AXDND1: variants seen among roughly 807,000 people sequenced by gnomAD.
AXDND1 encodes the protein axonemal dynein light chain domain-containing protein 1.
In AXDND1, 110 loss-of-function variants were observed where a neutral mutation model predicts 137.5. The observed-to-expected ratio is 0.80, with a 90% confidence interval of 0.69 to 0.94. The LOEUF (loss-of-function observed/expected upper bound fraction) is 0.94. Ranked by LOEUF, AXDND1 falls within the 40% of genes least tolerant of loss-of-function variation. AXDND1 has a pLI of 0.00. For synonymous variants in AXDND1, 414 were observed against 399.7 expected, an observed-to-expected ratio of 1.04 and a Z score of -0.43; for missense variants, 1,191 against 1,169.8, an observed-to-expected ratio of 1.02 and a Z score of -0.26.
intron 9 of AXDND1, among the ~76,000 whole-genome samples, chr1:179,386,050 CTTTT>C (rs71111980): frequency 2.0e-5 from 2 of 102,426 alleles, no homozygotes; most frequent in Non-Finnish European, 3.8e-5. Flanking sequence ...GGATTTTTTC[CTTTT>C]TTTTTTTTTT....
At chr1:179,411,367 G>T in intron 12 of AXDND1, 101 bp downstream of exon 12, 5 of 1,467,618 alleles carry the variant, frequency 3.4e-6, no homozygotes, top group Non-Finnish European at 3.7e-6. Context: ...TTTTGAAAGA[G>T]TCTTACTCAC....
intron 18 of AXDND1, among the ~76,000 whole-genome samples, chr1:179,490,590 G>T (rs12568706): frequency 0.46 from 69,052 of 151,630 alleles, 16,550 homozygotes; most frequent in East Asian, 0.76. Flanking sequence ...ATTTGGAAAA[G>T]TACTACACAT....
intron 25 of AXDND1, among the ~76,000 whole-genome samples, chr1:179,541,257 A>G (rs1191883327): frequency 1.3e-5 from 2 of 152,180 alleles, no homozygotes; most frequent in Non-Finnish European, 2.9e-5. Context: ...TGGCTAGGAA[A>G]GGGAAATACC....
intron 17 of AXDND1, among the ~76,000 whole-genome samples, chr1:179,472,392 A>G (rs1175493035): frequency 3.3e-5 from 5 of 152,194 alleles, no homozygotes; most frequent in African/African-American, 7.2e-5. Flanking sequence ...CATTAAAATT[A>G]TAGAGGTTTG....
intron 15 of AXDND1, among the ~76,000 whole-genome samples, chr1:179,436,075 C>T (rs576561950): frequency 6.6e-6 from 1 of 151,418 alleles, no homozygotes; most frequent in South Asian, 2.1e-4. Flanking sequence ...ATGTGGCCAA[C>T]AAACATGAAG....
intron 17 of AXDND1, among the ~76,000 whole-genome samples, chr1:179,477,403 T>G (rs1309817757): frequency 1.3e-5 from 2 of 152,090 alleles, no homozygotes; most frequent in African/African-American, 2.4e-5. Context: ...TCCACGTGGC[T>G]GGGGAGGCCT....
intron 14 of AXDND1, among the ~76,000 whole-genome samples, chr1:179,430,925 A>G (rs1446717528): frequency 1.3e-5 from 2 of 152,218 alleles, no homozygotes; most frequent in Non-Finnish European, 1.5e-5. Flanking sequence ...ATTTGGATCC[A>G]TCTGCAAATC....
chr1:179,550,780 T>G, intron 25 of AXDND1: 1 of 292,384 alleles, frequency 3.4e-6, no homozygotes, highest in Non-Finnish European at 6.6e-6. Flanking sequence ...ACAAGCCCAA[T>G]GATAGGTGCT....
At chr1:179,415,857 A>G (rs1212536472) in intron 12 of AXDND1, among the ~76,000 whole-genome samples, 1 of 152,122 alleles carries the variant, frequency 6.6e-6, no homozygotes, top group Non-Finnish European at 1.5e-5. Flanking sequence ...TTATAATTTA[A>G]TGCATTCATG....
chr1:179,384,543 T>C (rs1244638682), intron 8 of AXDND1, among the ~76,000 whole-genome samples: 1 of 152,216 alleles, frequency 6.6e-6, no homozygotes, highest in Non-Finnish European at 1.5e-5. Context: ...TTAGTTGTCA[T>C]GTTTCTTTAG....
At chr1:179,475,794 CA>C (rs1227445089) in intron 17 of AXDND1, among the ~76,000 whole-genome samples, 1 of 152,048 alleles carries the variant, frequency 6.6e-6, no homozygotes, top group African/African-American at 2.4e-5. Flanking sequence ...TGGAAAGGGC[CA>C]GGGGCAGAAT....
chr1:179,445,569 T>G (rs1185153567), intron 16 of AXDND1, among the ~76,000 whole-genome samples: 1 of 152,174 alleles, frequency 6.6e-6, no homozygotes, highest in Non-Finnish European at 1.5e-5. Flanking sequence ...TCTCTATAGA[T>G]TTCCCTGTTC....
chr1:179,494,961 G>T (rs962012117), intron 20 of AXDND1, among the ~76,000 whole-genome samples: 1 of 152,082 alleles, frequency 6.6e-6, no homozygotes, highest in Non-Finnish European at 1.5e-5. Flanking sequence ...TGCTGAAAAG[G>T]CTGTACTTTC....
chr1:179,551,791 G>A (rs1043654210), intron 25 of AXDND1: 6 of 303,720 alleles, frequency 2.0e-5, no homozygotes, highest in Non-Finnish European at 3.1e-5. Context: ...GTTATGAAAG[G>A]GTGACCCCCA....
At chr1:179,425,753 G>A (rs1462591314) in intron 12 of AXDND1, among the ~76,000 whole-genome samples, 2 of 151,652 alleles carry the variant, frequency 1.3e-5, no homozygotes, top group Non-Finnish European at 2.9e-5. Context: ...TCACACCACT[G>A]CACTCCAGTG....
chr1:179,446,754 T>G (rs1421039882), intron 16 of AXDND1, among the ~76,000 whole-genome samples: 1 of 152,194 alleles, frequency 6.6e-6, no homozygotes, highest in Non-Finnish European at 1.5e-5. Flanking sequence ...ACAAGTCCCT[T>G]TTCAGATATG....
At chr1:179,407,957 C>T (rs1653241745) in intron 11 of AXDND1, among the ~76,000 whole-genome samples, 1 of 152,142 alleles carries the variant, frequency 6.6e-6, no homozygotes, top group Admixed American at 6.5e-5. Context: ...ATTCATTTCT[C>T]TCTCTCCTTT....
At chr1:179,496,186 C>G (rs1253405918) in intron 20 of AXDND1, among the ~76,000 whole-genome samples, 3 of 151,780 alleles carry the variant, frequency 2.0e-5, no homozygotes, top group Non-Finnish European at 4.4e-5. Flanking sequence ...TTTGTAATAT[C>G]TTTGTTTGGT....
intron 20 of AXDND1, among the ~76,000 whole-genome samples, chr1:179,500,317 CATTA>C (rs1363610617): frequency 2.9e-5 from 4 of 136,564 alleles, no homozygotes; most frequent in Non-Finnish European, 4.7e-5. Context: ...TATATATAGC[CATTA>C]ATTGCAGGGT....
Sources: gnomAD v4.1 joint callset for allele counts (sites outside exome capture counted in the v4.1 genomes callset) on GRCh38, gnomAD v4.1.1 for gene constraint, MANE v1.5 for transcripts, NCBI Gene and HGNC (gene_info 2026-07-23, HGNC 2026-07-21) for gene names.